Variants in NLGN4X observed in about 807,000 individuals in gnomAD.
The protein encoded by NLGN4X is neuroligin 4 X-linked.
In NLGN4X, 3 loss-of-function variants were observed where a neutral mutation model predicts 40.3. The ratio of observed to expected loss-of-function variants is 0.07; its 90% confidence interval spans 0.03 to 0.19. NLGN4X has a LOEUF of 0.19. NLGN4X is among the 10% of genes least tolerant of loss of function. The pLI, the probability that NLGN4X is intolerant of heterozygous loss-of-function variation, is 1.00. For missense variants in NLGN4X, 382 were observed against 708.3 expected (o/e 0.54, Z 5.23); for synonymous variants, 270 against 306.8 (o/e 0.88, Z 1.25).
chrX:6,160,855 T>A (rs2147738802), intron 1 of NLGN4X, among the ~76,000 whole-genome samples: 1 of 101,464 alleles, frequency 9.9e-6, no homozygotes, highest in Admixed American at 1.1e-4. Context: ...CGTATAGATA[T>A]CTTCAAACTA....
In NLGN4X at chrX:5,956,096, T is replaced by C. The variant is rs2034484110; in HGVS notation, c.626-46857A>G. On this transcript the variant is annotated intron_variant, in intron 3 of 5. Transcript: ENST00000381095. ...TCCTGCAAAACTGGAAATCAAACTG[T>C]AGAAAACAATATGACTAATGAAATT... Among the ~76,000 whole-genome samples the C allele has an allele frequency of 3.7e-5, 4 of 108,825 alleles. No individual in the cohort carries two copies. In the Admixed American group the frequency reaches 4.0e-4, roughly 11 times the overall value. 94.5% of individuals were successfully genotyped at this position (108,825 alleles called of 115,157 possible). A position where few individuals can be genotyped will look rare whatever the true frequency, so the allele number is the denominator to read the frequency against.
At chrX:5,973,691 C>T (rs987468606) in intron 3 of NLGN4X, among the ~76,000 whole-genome samples, 34 of 110,622 alleles carry the variant, frequency 3.1e-4, no homozygotes, top group Middle Eastern at 4.6e-3. Flanking sequence ...GGTGTGGTGG[C>T]GGGCACCTGT....
chrX:6,078,482 C>T (rs893268399), intron 2 of NLGN4X, among the ~76,000 whole-genome samples: 4 of 111,209 alleles, frequency 3.6e-5, no homozygotes, highest in Non-Finnish European at 7.5e-5. Flanking sequence ...TGTCTAGCAA[C>T]TCGCTACCGA....
At chrX:5,992,019 CT>C (rs1569173724) in intron 3 of NLGN4X, among the ~76,000 whole-genome samples, 1 of 112,017 alleles carries the variant, frequency 8.9e-6, no homozygotes, top group Non-Finnish European at 1.9e-5. Flanking sequence ...TAGTTTCATG[CT>C]AAAAGTTTCA....
intron 1 of NLGN4X, among the ~76,000 whole-genome samples, chrX:6,223,952 T>C (rs918204188): frequency 2.7e-5 from 3 of 112,724 alleles, no homozygotes; most frequent in African/African-American, 9.7e-5. Flanking sequence ...AAACTGAACA[T>C]ATTTCCCCAT....
intron 2 of NLGN4X, among the ~76,000 whole-genome samples, chrX:6,148,525 G>GT (rs370128393): frequency 5.3e-4 from 58 of 108,626 alleles, no homozygotes; most frequent in East Asian, 1.7e-3. Context: ...TTTTGTTTTT[G>GT]TTTTTTTTTG....
intron 2 of NLGN4X, among the ~76,000 whole-genome samples, chrX:6,143,171 T>A (rs2039982842): frequency 8.9e-6 from 1 of 112,358 alleles, no homozygotes; most frequent in African/African-American, 3.2e-5. Context: ...GCACTTTATA[T>A]GGATTAAAAC....
chrX:6,087,542 T>C (rs1474620298), intron 2 of NLGN4X, among the ~76,000 whole-genome samples: 1 of 112,078 alleles, frequency 8.9e-6, no homozygotes, highest in Non-Finnish European at 1.9e-5. Flanking sequence ...ATGAGAAAAA[T>C]TTCAGTTGCA....
At chrX:6,082,959 T>TTTTTG (rs2038397681) in intron 2 of NLGN4X, among the ~76,000 whole-genome samples, 2 of 85,088 alleles carry the variant, frequency 2.4e-5, no homozygotes, top group Non-Finnish European at 4.7e-5. Flanking sequence ...TTTTTTTCTT[T>TTTTTG]TTTTTTTTTT....
chrX:5,914,618 GTATA>G (rs10616173), intron 3 of NLGN4X, among the ~76,000 whole-genome samples: 2,996 of 102,397 alleles, frequency 0.029, 75 homozygotes, highest in African/African-American at 0.081. Flanking sequence ...ATATATGTAT[GTATA>G]TATATATATA....
intron 1 of NLGN4X, among the ~76,000 whole-genome samples, chrX:6,182,003 G>A (rs1921505847): frequency 9.0e-6 from 1 of 111,659 alleles, no homozygotes; most frequent in South Asian, 3.8e-4. Flanking sequence ...TCAGGTGAAT[G>A]TGGAATCATT....
chrX:6,163,784 C>T (rs1012898652), intron 1 of NLGN4X, among the ~76,000 whole-genome samples: 1 of 112,363 alleles, frequency 8.9e-6, no homozygotes, highest in African/African-American at 3.2e-5. Context: ...CATTATGTCA[C>T]CATTACTTCC....
At chrX:6,020,213 GATGA>G (rs771644466) in intron 3 of NLGN4X, among the ~76,000 whole-genome samples, 14 of 111,632 alleles carry the variant, frequency 1.3e-4, no homozygotes, top group Admixed American at 1.2e-3. Context: ...TCCATCATTA[GATGA>G]ATGAATAAAG....
In NLGN4X at chrX:6,225,002, A is replaced by ATATATATAT. The variant is rs1556015450; in HGVS notation, c.-306+3530_-306+3538dup. ...CATATATATATATATATATATATATATATATATATACACACACACACACAT... is the reference window on the plus strand; with the variant it reads ...CATATATATATATATATATATATATATATATATATTATATATATACACACACACACACAT... On this transcript the variant is annotated intron_variant, in intron 1 of 5. Coordinates refer to ENST00000381095, the MANE Select transcript of NLGN4X (RefSeq NM_181332.3). Among the ~76,000 whole-genome samples, 56 of 55,787 alleles carry ATATATATAT rather than the reference A, an allele frequency of 1.0e-3. 1 individual carries two copies. The highest frequency in any genetic ancestry group is 3.8e-3 in the African/African-American group (55 of 14,530). 48.4% of individuals were successfully genotyped at this position (55,787 alleles called of 115,157 possible).
At chrX:6,093,053 G>C (rs1443047042) in intron 2 of NLGN4X, among the ~76,000 whole-genome samples, 1 of 69,119 alleles carries the variant, frequency 1.4e-5, no homozygotes, top group South Asian at 7.0e-4. Flanking sequence ...AATGGATAAA[G>C]CAAAAAAAAA....
At chrX:5,965,449 C>T (rs2034802977) in intron 3 of NLGN4X, among the ~76,000 whole-genome samples, 1 of 112,122 alleles carries the variant, frequency 8.9e-6, no homozygotes. Flanking sequence ...TGCACATCTT[C>T]GAGGCACTCT....
chrX:5,985,492 C>T (rs1291194289), intron 3 of NLGN4X, among the ~76,000 whole-genome samples: 1 of 110,340 alleles, frequency 9.1e-6, no homozygotes, highest in East Asian at 2.8e-4. Context: ...CTATGTTCCT[C>T]AGGCTGGTCT....
intron 3 of NLGN4X, among the ~76,000 whole-genome samples, chrX:5,998,501 T>C (rs1368635628): frequency 8.9e-6 from 1 of 112,028 alleles, no homozygotes; most frequent in East Asian, 2.8e-4. Context: ...TCAGACACCT[T>C]TTTCAGCACC....
At chrX:6,117,913 T>C (rs1297558456) in intron 2 of NLGN4X, among the ~76,000 whole-genome samples, 1 of 110,766 alleles carries the variant, frequency 9.0e-6, no homozygotes, top group Non-Finnish European at 1.9e-5. Context: ...GGAAGAGAAG[T>C]GGGGCTGATG....
Sources: gnomAD v4.1 joint callset for allele counts (sites outside exome capture counted in the v4.1 genomes callset) on GRCh38, gnomAD v4.1.1 for gene constraint, MANE v1.5 for transcripts, NCBI Gene and HGNC (gene_info 2026-07-23, HGNC 2026-07-21) for gene names.